PPP1R37: variants seen among roughly 807,000 people sequenced by gnomAD.
PPP1R37 encodes protein phosphatase 1 regulatory subunit 37.
PPP1R37 carries 21 observed loss-of-function variants against 61.0 expected under a neutral mutation model. The observed-to-expected ratio is 0.34, with a 90% CI of 0.24 to 0.50. The LOEUF (loss-of-function observed/expected upper bound fraction) is 0.50, where lower values mean the gene tolerates loss of function less well. Ranked by LOEUF, PPP1R37 falls within the 20% of genes least tolerant of loss-of-function variation. PPP1R37 has a pLI of 0.98. For synonymous variants in PPP1R37, 443 were observed against 433.5 expected, an observed-to-expected ratio of 1.02 and a Z score of -0.27; for missense variants, 910 against 952.7, an observed-to-expected ratio of 0.96 and a Z score of 0.59.
At chr19:45,106,292 A>T (rs1338200624) in intron 1 of PPP1R37, among the ~76,000 whole-genome samples, 1 of 151,818 alleles carries the variant, frequency 6.6e-6, no homozygotes, top group Non-Finnish European at 1.5e-5. Context: ...CCCAGGCTGG[A>T]GTACAGTGGC....
intron 4 of PPP1R37, among the ~76,000 whole-genome samples, chr19:45,140,832 G>A (rs1481012734): frequency 6.6e-6 from 1 of 152,198 alleles, no homozygotes; most frequent in Non-Finnish European, 1.5e-5. Flanking sequence ...AGCAAGGAGA[G>A]CCTTAGGGAG....
intron 1 of PPP1R37, among the ~76,000 whole-genome samples, chr19:45,104,602 C>T (rs957975911): frequency 6.6e-6 from 1 of 152,218 alleles, no homozygotes; most frequent in Non-Finnish European, 1.5e-5. Context: ...CCCTCTCCAA[C>T]CCGCTCCCCA....
chr19:45,113,172 G>A (rs931827196), intron 1 of PPP1R37, among the ~76,000 whole-genome samples: 5 of 152,206 alleles, frequency 3.3e-5, no homozygotes, highest in Admixed American at 6.5e-5. Context: ...GGGAGCTCAA[G>A]TGTTGGCATG....
chr19:45,135,324 T>A (rs1488815370), intron 1 of PPP1R37, among the ~76,000 whole-genome samples: 1 of 152,212 alleles, frequency 6.6e-6, no homozygotes, highest in Non-Finnish European at 1.5e-5. Flanking sequence ...GTATCCACCC[T>A]GATGCCACAG....
intron 1 of PPP1R37, among the ~76,000 whole-genome samples, chr19:45,120,822 C>T (rs533399541): frequency 6.6e-6 from 1 of 152,216 alleles, no homozygotes; most frequent in East Asian, 1.9e-4. Flanking sequence ...CCATGTTGGC[C>T]AGGCTGGTCT....
Position 45,145,530 on chromosome 19 carries a change from G to A in PPP1R37, c.1474G>A (p.Val492Met), listed in dbSNP as rs996618165. 161 of 1,534,430 alleles carry A rather than the reference G, an allele frequency of 1.0e-4. 1 individual carries two copies. Among genetic ancestry groups the A allele is most frequent in the Non-Finnish European group, 1.4e-4 (156 of 1,146,192 alleles). The change falls in exon 11 of 13, where the codon GTG (valine) becomes ATG (methionine). Residue 492 changes from valine (V) to methionine (M), a missense_variant. Physicochemically the swap from Val to Met is conservative, Grantham distance 21. Coordinates refer to ENST00000221462, the MANE Select transcript of PPP1R37 (RefSeq NM_019121.2). Reference sequence around the variant, plus strand: ...GCCCGACGACGAGCCCGCCGCTGGGGTGCAGAACGGGGCCCCCAGCCCCGC... The same window carrying A: ...GCCCGACGACGAGCCCGCCGCTGGGATGCAGAACGGGGCCCCCAGCCCCGC... ...PQPDDEPAAGVQNGAPSPAPS... is the reference protein window; with the variant it reads ...PQPDDEPAAGMQNGAPSPAPS...
chr19:45,118,916 G>A (rs757596400), intron 1 of PPP1R37, among the ~76,000 whole-genome samples: 7 of 151,744 alleles, frequency 4.6e-5, no homozygotes, highest in African/African-American at 9.7e-5. Flanking sequence ...CCCACCTGCC[G>A]CCTCTGGGTT....
rs1192081326 is a variant in PPP1R37, at chr19:45,127,368, A to C, written c.203-11146A>C. On this transcript the variant is annotated intron_variant, in intron 1 of 12. Coordinates refer to ENST00000221462, the MANE Select transcript of PPP1R37 (RefSeq NM_019121.2). Reference sequence around the variant, plus strand: ...ACTCCATCTCAAAAAAAAAAAAAAAAAAAAAAAACCCTAGGTGGCATGCCT... The same window carrying C: ...ACTCCATCTCAAAAAAAAAAAAAAACAAAAAAAACCCTAGGTGGCATGCCT... 4.7e-5 allele frequency among the ~76,000 whole-genome samples: 7 copies of C among 148,392 alleles called. 1 individual carries two copies. Among genetic ancestry groups the C allele is most frequent in the African/African-American group, 1.8e-4 (7 of 38,308 alleles).
chr19:45,103,673 C>A, intron 1 of PPP1R37, among the ~76,000 whole-genome samples: 1 of 152,100 alleles, frequency 6.6e-6, no homozygotes, highest in Non-Finnish European at 1.5e-5. Context: ...GAAAGCGAGC[C>A]GCAGGGAAGT....
chr19:45,118,274 G>T (rs1345934441), intron 1 of PPP1R37, among the ~76,000 whole-genome samples: 1 of 152,212 alleles, frequency 6.6e-6, no homozygotes, highest in African/African-American at 2.4e-5. Context: ...AGTGCAGAGT[G>T]GGTGGGAAGC....
At chr19:45,095,940 C>G (rs887489550) in intron 1 of PPP1R37, among the ~76,000 whole-genome samples, 2 of 152,080 alleles carry the variant, frequency 1.3e-5, no homozygotes, top group Admixed American at 1.3e-4. Flanking sequence ...CAGGGTGTTT[C>G]AAGAGCAGAG....
intron 1 of PPP1R37, among the ~76,000 whole-genome samples, chr19:45,122,294 A>G (rs777003755): frequency 2.0e-5 from 3 of 152,124 alleles, no homozygotes; most frequent in Non-Finnish European, 4.4e-5. Flanking sequence ...TGCCATAGAC[A>G]AGAAGGGACC....
At chr19:45,115,578 T>C (rs1780085677) in intron 1 of PPP1R37, among the ~76,000 whole-genome samples, 1 of 151,490 alleles carries the variant, frequency 6.6e-6, no homozygotes, top group South Asian at 2.1e-4. Flanking sequence ...AGTTTCCCCA[T>C]TTGAAATGGG....
intron 8 of PPP1R37, chr19:45,144,643 G>C (rs1968659653): frequency 3.7e-6 from 2 of 541,850 alleles, no homozygotes; most frequent in East Asian, 6.5e-5. Context: ...GGGAGTGGAC[G>C]GGGGACCTGG....
chr19:45,104,987 G>A (rs551231352), intron 1 of PPP1R37, among the ~76,000 whole-genome samples: 19 of 152,312 alleles, frequency 1.2e-4, no homozygotes, highest in African/African-American at 2.6e-4. Context: ...GCTTATCTGC[G>A]GGCCTGCTGA....
intron 1 of PPP1R37, chr19:45,099,982 C>T (rs1968042090): frequency 6.6e-6 from 1 of 152,250 alleles, no homozygotes; most frequent in South Asian, 2.1e-4. Context: ...TGCGTGTGCA[C>T]TTGTTTCTGG....
At position 45,146,021 on chromosome 19, in the gene PPP1R37, C is replaced by A; in HGVS notation, c.1965C>A (p.Val655=). Residue 655 remains valine, a synonymous_variant, in exon 11 of 13, where the codon GTC becomes GTA. Transcript: ENST00000221462. ...CTGAGCCGCCCCCGGGGCCTGAGGT[C>A]AAGGGGGGCAGCTGCGGCCTGGAGC... is the stretch of plus-strand genomic sequence containing the variant. ...LPPEPPPGPE[V]KGGSCGLEHE... 6.5e-7 allele frequency: 1 copy of A among 1,531,810 alleles called. No homozygotes were observed. The allele number at this position is 1,531,810 out of a possible 1,614,324, so 94.9% of individuals were successfully genotyped here. A position where few individuals can be genotyped will look rare whatever the true frequency, so the allele number is the denominator to read the frequency against.
At chr19:45,132,175 G>C (rs542269798) in intron 1 of PPP1R37, among the ~76,000 whole-genome samples, 14 of 152,200 alleles carry the variant, frequency 9.2e-5, no homozygotes, top group Admixed American at 9.2e-4. Context: ...TTGAGCAAAT[G>C]CATCTGAGCC....
intron 1 of PPP1R37, among the ~76,000 whole-genome samples, chr19:45,134,873 G>A (rs866714363): frequency 2.6e-5 from 4 of 152,190 alleles, no homozygotes; most frequent in African/African-American, 9.7e-5. Context: ...TGAAGGTGTG[G>A]TCTGATTGCT....
Sources: gnomAD v4.1 joint callset for allele counts (sites outside exome capture counted in the v4.1 genomes callset) on GRCh38, gnomAD v4.1.1 for gene constraint, MANE v1.5 for transcripts, NCBI Gene and HGNC (gene_info 2026-07-23, HGNC 2026-07-21) for gene names.